TMEM108: variants seen among roughly 807,000 people sequenced by gnomAD.
TMEM108 encodes transmembrane protein 108, also known as cancer/testis antigen 124.
A neutral mutation model predicts 35.1 loss-of-function variants in TMEM108; 12 were observed. The observed-to-expected ratio is 0.34, with a 90% CI of 0.22 to 0.55. The LOEUF is 0.55. Ranked by LOEUF, TMEM108 falls within the 20% of genes least tolerant of loss-of-function variation. TMEM108 has a pLI of 0.89. For synonymous variants in TMEM108, 287 were observed against 308.6 expected, an observed-to-expected ratio of 0.93 and a Z score of 0.73; for missense variants, 680 against 753.3, an observed-to-expected ratio of 0.90 and a Z score of 1.14.
intron 2 of TMEM108, among the ~76,000 whole-genome samples, chr3:133,047,743 G>A (rs1943357499): frequency 6.6e-6 from 1 of 151,726 alleles, no homozygotes; most frequent in African/African-American, 2.4e-5. Context: ...GAATTTCTCT[G>A]GTATCGTATT....
chr3:133,175,086 A>G (rs1053837047), intron 2 of TMEM108, among the ~76,000 whole-genome samples: 5 of 152,246 alleles, frequency 3.3e-5, no homozygotes, highest in Admixed American at 6.5e-5. Flanking sequence ...GTGATTGAAG[A>G]TCAAATGAAT....
At chr3:133,084,373 C>T (rs1209425460) in intron 2 of TMEM108, among the ~76,000 whole-genome samples, 2 of 152,188 alleles carry the variant, frequency 1.3e-5, no homozygotes, top group African/African-American at 2.4e-5. Context: ...GCCACTCTTC[C>T]CTTCTCTCTC....
At chr3:133,074,348 A>G (rs1943714756) in intron 2 of TMEM108, 1 of 152,186 alleles carries the variant, frequency 6.6e-6, no homozygotes, top group South Asian at 2.1e-4. Context: ...TGACATCCTG[A>G]TAAACACAAT....
At chr3:133,334,361 AC>A (rs1304502234) in intron 3 of TMEM108, among the ~76,000 whole-genome samples, 1 of 152,312 alleles carries the variant, frequency 6.6e-6, no homozygotes, top group Non-Finnish European at 1.5e-5. Flanking sequence ...AAGACTGACA[AC>A]CCTCACTTAA....
intron 3 of TMEM108, chr3:133,378,321 C>T: frequency 1.0e-6 from 1 of 984,976 alleles, no homozygotes; most frequent in Non-Finnish European, 1.2e-6. Context: ...AGATCTCCTC[C>T]CCATCTCTGC....
At chr3:133,084,727 A>G (rs936112597) in intron 2 of TMEM108, among the ~76,000 whole-genome samples, 9 of 152,208 alleles carry the variant, frequency 5.9e-5, no homozygotes, top group Admixed American at 5.9e-4. Flanking sequence ...AACTATTAAC[A>G]TCCCATTTGC....
At chr3:133,048,946 A>T (rs1346001454) in intron 2 of TMEM108, among the ~76,000 whole-genome samples, 1 of 152,212 alleles carries the variant, frequency 6.6e-6, no homozygotes, top group Non-Finnish European at 1.5e-5. Context: ...CATGAGAATC[A>T]TTTATACTTG....
intron 2 of TMEM108, among the ~76,000 whole-genome samples, chr3:133,194,825 AT>A (rs770264416): frequency 2.6e-5 from 4 of 152,182 alleles, no homozygotes; most frequent in African/African-American, 4.8e-5. Flanking sequence ...AAATGTAAAA[AT>A]TTTAAATACA....
In TMEM108 at chr3:133,169,966, T is replaced by A. The variant is rs942949088; in HGVS notation, c.-46-59300T>A. On this transcript the variant is annotated intron_variant, in intron 2 of 5. Transcript: ENST00000321871. Reference sequence around the variant, plus strand: ...GGATCAGATACTATCATTTTTATTTTCTTGGGTTCATTAACAATGCATTCA... The same window carrying A: ...GGATCAGATACTATCATTTTTATTTACTTGGGTTCATTAACAATGCATTCA... Among the ~76,000 whole-genome samples the A allele has an allele frequency of 2.0e-5, 3 of 152,214 alleles. No individual in the cohort carries two copies. In the South Asian group the frequency reaches 6.2e-4, roughly 32 times the overall value.
chr3:133,280,062 A>G (rs1204803593), intron 3 of TMEM108, among the ~76,000 whole-genome samples: 2 of 152,178 alleles, frequency 1.3e-5, no homozygotes, highest in East Asian at 3.8e-4. Context: ...GTTAGTGTCT[A>G]GAGCTTAAGA....
At chr3:133,377,806 G>A (rs62280874) in intron 3 of TMEM108, among the ~76,000 whole-genome samples, 3 of 24,128 alleles carry the variant, frequency 1.2e-4, no homozygotes, top group Admixed American at 7.4e-4. Flanking sequence ...CATCACCACC[G>A]GAGCATCACC....
At chr3:133,385,810 A>T (rs1329407474) in intron 4 of TMEM108, among the ~76,000 whole-genome samples, 3 of 152,218 alleles carry the variant, frequency 2.0e-5, no homozygotes, top group Non-Finnish European at 4.4e-5. Flanking sequence ...AAGTAACTTC[A>T]TCATTGATCC....
chr3:133,111,811 A>T (rs1944228183), intron 2 of TMEM108, among the ~76,000 whole-genome samples: 1 of 152,170 alleles, frequency 6.6e-6, no homozygotes, highest in South Asian at 2.1e-4. Flanking sequence ...AAAGACTTGT[A>T]CTAGGTTCCA....
chr3:133,385,479 G>A (rs551291744), intron 4 of TMEM108, among the ~76,000 whole-genome samples: 1 of 152,236 alleles, frequency 6.6e-6, no homozygotes, highest in East Asian at 1.9e-4. Flanking sequence ...AAGCCCCCCA[G>A]CCTGACCTCC....
chr3:133,105,996 T>G (rs969953946), intron 2 of TMEM108, among the ~76,000 whole-genome samples: 4 of 152,124 alleles, frequency 2.6e-5, no homozygotes, highest in Non-Finnish European at 4.4e-5. Context: ...TGTTTATTGA[T>G]TATTCTGTTG....
chr3:133,081,133 T>A (rs944113611), intron 2 of TMEM108, among the ~76,000 whole-genome samples: 1 of 152,224 alleles, frequency 6.6e-6, no homozygotes, highest in Non-Finnish European at 1.5e-5. Flanking sequence ...CTTCATCATT[T>A]CTCATCTGGA....
intron 2 of TMEM108, among the ~76,000 whole-genome samples, chr3:133,174,162 G>A (rs1319675703): frequency 6.6e-6 from 1 of 152,250 alleles, no homozygotes; most frequent in Non-Finnish European, 1.5e-5. Context: ...GCTTGAGCAG[G>A]TAATCAAAGC....
intron 3 of TMEM108, among the ~76,000 whole-genome samples, chr3:133,292,601 G>C (rs1947087741): frequency 6.6e-6 from 1 of 152,210 alleles, no homozygotes; most frequent in Non-Finnish European, 1.5e-5. Flanking sequence ...GCAATTAGGT[G>C]GTAGGCACGT....
chr3:133,050,808 A>G (rs1943395909), intron 2 of TMEM108, among the ~76,000 whole-genome samples: 1 of 151,836 alleles, frequency 6.6e-6, no homozygotes, highest in Non-Finnish European at 1.5e-5. Flanking sequence ...ATCAACATGT[A>G]AGTTTCCTCT....
Sources: allele counts gnomAD v4.1 joint callset (sites outside exome capture counted in the v4.1 genomes callset), GRCh38; gene constraint gnomAD v4.1.1; transcripts MANE v1.5; gene names NCBI Gene and HGNC (gene_info 2026-07-23, HGNC 2026-07-21).